Variants in ATG4C observed in about 807,000 individuals in gnomAD.
ATG4C encodes the protein cysteine protease ATG4C.
Under a neutral mutation model 57.6 loss-of-function variants are expected in ATG4C, and 56 were observed. The observed-to-expected ratio is 0.97, with a 90% CI of 0.78 to 1.21. ATG4C has a LOEUF of 1.21. ATG4C is among the 50% of genes most tolerant of loss of function. The pLI, the probability that ATG4C is intolerant of heterozygous loss-of-function variation, is 0.00. For missense variants in ATG4C, 595 were observed against 529.8 expected, an observed-to-expected ratio of 1.12 and a Z score of -1.21; for synonymous variants, 157 against 174.1, an observed-to-expected ratio of 0.90 and a Z score of 0.78.
In ATG4C at chr1:62,834,802, C is replaced by T. The variant is rs754073959; in HGVS notation, c.1039C>T (p.His347Tyr). 1.4e-5 allele frequency: 22 copies of T among 1,612,070 alleles called. No individual in the cohort carries two copies. The highest frequency in any genetic ancestry group is 6.7e-5 in the Admixed American group (4 of 59,890). The change falls in exon 9 of 11, where the codon CAT becomes TAT. Residue 347 changes from histidine (H) to tyrosine (Y), a missense_variant. Physicochemically the swap from His to Tyr is moderately conservative, Grantham distance 83. Coordinates refer to ENST00000317868, the MANE Select transcript of ATG4C (RefSeq NM_032852.4). ...QDDSLIYMDP[H>Y]YCQSFVDVSI... ...TGACAGTTTGATTTACATGGATCCTCATTACTGCCAATCTTTTGTAGATGT... is the reference window on the plus strand; with the variant it reads ...TGACAGTTTGATTTACATGGATCCTTATTACTGCCAATCTTTTGTAGATGT...
At chr1:62,798,280 C>T (rs1664539861) in intron 1 of ATG4C, among the ~76,000 whole-genome samples, 1 of 152,104 alleles carries the variant, frequency 6.6e-6, no homozygotes, top group South Asian at 2.1e-4. Context: ...TAAAAACTGT[C>T]TAGCTTATTG....
chr1:62,803,581 T>C (rs1484893501), intron 1 of ATG4C, 138 bp from the exon 2 acceptor site: 1 of 344,530 alleles, frequency 2.9e-6, no homozygotes, highest in Non-Finnish European at 5.4e-6. Context: ...TTTCTGTTTA[T>C]TTCTGAGTAT....
chr1:62,854,067 G>A (rs112789178), intron 10 of ATG4C, among the ~76,000 whole-genome samples: 1 of 151,522 alleles, frequency 6.6e-6, no homozygotes, highest in African/African-American at 2.4e-5. Flanking sequence ...ATTTTTAGTT[G>A]TTATTGATAT....
chr1:62,788,831 A>G lies in ATG4C; in HGVS notation c.-69+4558A>G, dbSNP rs1664172284. On this transcript the variant is annotated intron_variant, in intron 1 of 10. Coordinates refer to ENST00000317868, the MANE Select transcript of ATG4C (RefSeq NM_032852.4). ...TTGATTTATCTGATTTTTTCCTCAC[A>G]ATGAGTTTCAGATTGAAGAGTTGTG... Among the ~76,000 whole-genome samples the G allele has an allele frequency of 2.0e-5, 3 of 151,724 alleles. 1 individual carries two copies. Among genetic ancestry groups the G allele is most frequent in the Non-Finnish European group, 4.4e-5 (3 of 67,898 alleles).
At chr1:62,837,821 C>G (rs1188939579) in intron 9 of ATG4C, among the ~76,000 whole-genome samples, 1 of 151,934 alleles carries the variant, frequency 6.6e-6, no homozygotes, top group African/African-American at 2.4e-5. Context: ...TAGGGTCTTG[C>G]TCTGTTACCA....
intron 5 of ATG4C, among the ~76,000 whole-genome samples, chr1:62,820,526 T>C (rs1394120296): frequency 6.6e-6 from 1 of 152,126 alleles, no homozygotes; most frequent in African/African-American, 2.4e-5. Flanking sequence ...ATTTCCACAA[T>C]TTGCATAATC....
chr1:62,808,623 A>G (rs902628109), intron 3 of ATG4C, among the ~76,000 whole-genome samples: 6 of 152,202 alleles, frequency 3.9e-5, no homozygotes, highest in African/African-American at 9.7e-5. Context: ...ACCTGTAGAA[A>G]CCAAAGGAAA....
chr1:62,857,315 C>T (rs964902141), intron 10 of ATG4C, among the ~76,000 whole-genome samples: 2 of 152,058 alleles, frequency 1.3e-5, no homozygotes, highest in African/African-American at 4.8e-5. Flanking sequence ...GAGTGTGAAC[C>T]CTATTGTGAA....
intron 10 of ATG4C, among the ~76,000 whole-genome samples, chr1:62,856,916 C>T (rs1666702225): frequency 1.3e-5 from 2 of 152,112 alleles, no homozygotes; most frequent in South Asian, 4.1e-4. Flanking sequence ...GTTAATTTGG[C>T]TTACAGGGAC....
chr1:62,849,388 T>C (rs1423191386), intron 10 of ATG4C, among the ~76,000 whole-genome samples: 2 of 152,224 alleles, frequency 1.3e-5, no homozygotes, highest in African/African-American at 4.8e-5. Flanking sequence ...AGATATTTAT[T>C]CCATTATCTC....
intron 8 of ATG4C, among the ~76,000 whole-genome samples, 184 bp from the exon 9 acceptor site, chr1:62,834,592 A>G (rs149248056): frequency 1.6e-3 from 240 of 152,178 alleles, no homozygotes; most frequent in African/African-American, 5.4e-3. Context: ...CTGCTTATAC[A>G]AGCATATTTG....
At chr1:62,803,216 A>G (rs1399870979) in intron 1 of ATG4C, among the ~76,000 whole-genome samples, 1 of 152,226 alleles carries the variant, frequency 6.6e-6, no homozygotes, top group Admixed American at 6.5e-5. Flanking sequence ...GAAATGTCTT[A>G]TTTAAAAAAC....
chr1:62,837,944 C>T (rs1022922905), intron 9 of ATG4C, among the ~76,000 whole-genome samples: 2 of 152,244 alleles, frequency 1.3e-5, no homozygotes, highest in South Asian at 4.2e-4. Context: ...GTGGGTGCCA[C>T]CATACCCGGT....
chr1:62,806,868 G>C (rs957256399), intron 3 of ATG4C, among the ~76,000 whole-genome samples: 2 of 152,166 alleles, frequency 1.3e-5, no homozygotes, highest in African/African-American at 4.8e-5. Flanking sequence ...GAAGCACATA[G>C]GACCATGAAA....
intron 3 of ATG4C, among the ~76,000 whole-genome samples, chr1:62,816,213 ATCT>A (rs899881963): frequency 1.3e-5 from 2 of 152,052 alleles, no homozygotes; most frequent in African/African-American, 2.4e-5. Context: ...TTGCTGCACT[ATCT>A]TCTTCTTTTG....
chr1:62,829,290 G>T, intron 7 of ATG4C, 114 bp downstream of exon 7: 1 of 1,228,664 alleles, frequency 8.1e-7, no homozygotes, highest in South Asian at 1.4e-5. Context: ...GTTGTACGTT[G>T]TACGTTGTAA....
At chr1:62,792,619 A>C (rs1286222135) in intron 1 of ATG4C, among the ~76,000 whole-genome samples, 2 of 152,234 alleles carry the variant, frequency 1.3e-5, no homozygotes, top group Non-Finnish European at 2.9e-5. Context: ...TAAAACAGTT[A>C]TGGATGCTCT....
chr1:62,823,731 C>T lies in ATG4C; in HGVS notation c.796+2522C>T, dbSNP rs547014545. On this transcript the variant is annotated intron_variant, in intron 6 of 10. Coordinates refer to ENST00000317868, the MANE Select transcript of ATG4C (RefSeq NM_032852.4). The stretch of plus-strand genomic sequence containing the variant: ...CACAGTACACTAAAATATTTTCCGC[C>T]CTCAGGCCATTCCTTAGACATGGTG... 2.0e-3 allele frequency among the ~76,000 whole-genome samples: 303 copies of T among 152,268 alleles called. 1 individual carries two copies. Among genetic ancestry groups the T allele is most frequent in the African/African-American group, 7.0e-3 (289 of 41,556 alleles).
chr1:62,826,918 C>T (rs1441917057), intron 6 of ATG4C, among the ~76,000 whole-genome samples: 1 of 152,128 alleles, frequency 6.6e-6, no homozygotes, highest in Admixed American at 6.5e-5. Context: ...ACTGCAGCGG[C>T]TTTGTAACTG....
Sources: allele counts gnomAD v4.1 joint callset (sites outside exome capture counted in the v4.1 genomes callset), GRCh38; gene constraint gnomAD v4.1.1; transcripts MANE v1.5; gene names NCBI Gene and HGNC (gene_info 2026-07-23, HGNC 2026-07-21).